Variants in OPCML observed in about 807,000 individuals in gnomAD.
OPCML encodes the protein opioid-binding protein/cell adhesion molecule.
A neutral mutation model predicts 37.8 loss-of-function variants in OPCML; 13 were observed. The ratio of observed to expected loss-of-function variants is 0.34; its 90% CI spans 0.22 to 0.55. The LOEUF is 0.55. Ranked by LOEUF, OPCML falls within the 20% of genes least tolerant of loss-of-function variation. The probability of loss-of-function intolerance (pLI) is 0.91; values close to 1 mark genes in which losing one functional copy is unlikely to be tolerated. For synonymous variants in OPCML, 176 were observed against 168.8 expected (o/e 1.04, Z -0.33); for missense variants, 341 against 435.6 (o/e 0.78, Z 1.93).
intron 4 of OPCML, among the ~76,000 whole-genome samples, chr11:132,502,835 G>A (rs1343566353): frequency 2.0e-5 from 3 of 152,140 alleles, no homozygotes; most frequent in Non-Finnish European, 4.4e-5. Flanking sequence ...AGAGAGTGGG[G>A]CGCCTTGGCT....
At chr11:133,261,352 C>A (rs910553176) in intron 1 of OPCML, among the ~76,000 whole-genome samples, 6 of 152,212 alleles carry the variant, frequency 3.9e-5, no homozygotes, top group African/African-American at 1.4e-4. Flanking sequence ...GAATGTCTGT[C>A]CCCCCCATCT....
intron 2 of OPCML, among the ~76,000 whole-genome samples, chr11:132,662,924 G>T (rs1942047062): frequency 6.6e-6 from 1 of 152,352 alleles, no homozygotes. Context: ...CGTGTTCAAA[G>T]AATTGATAAT....
intron 1 of OPCML, among the ~76,000 whole-genome samples, chr11:133,144,086 G>C (rs185463355): frequency 6.6e-6 from 1 of 152,354 alleles, no homozygotes; most frequent in East Asian, 1.9e-4. Flanking sequence ...CTCTGAGAGA[G>C]GACGTTGAAG....
Position 133,206,385 on chromosome 11 carries a change from C to A in OPCML, c.62-263375G>T, listed in dbSNP as rs557817852. On this transcript the variant is annotated intron_variant, in intron 1 of 7. Coordinates refer to ENST00000524381, the MANE Select transcript of OPCML (RefSeq NM_001012393.5). The surrounding 1 kb of genome is among the most constrained non-coding windows in gnomAD (Gnocchi z 4.7). ...TAGCAATGAAACATTTAGGAAACTG[C>A]ATAACTTCTGGAGTCCTCAGTTTCC... 6.6e-6 allele frequency among the ~76,000 whole-genome samples: 1 copy of A among 152,274 alleles called. No homozygotes were observed. Among genetic ancestry groups the A allele is most frequent in the East Asian group, 1.9e-4 (1 of 5,186 alleles).
At chr11:133,499,040 T>C (rs189297287) in intron 1 of OPCML, among the ~76,000 whole-genome samples, 4 of 152,306 alleles carry the variant, frequency 2.6e-5, no homozygotes, top group African/African-American at 7.2e-5. Flanking sequence ...AGGGCCAGCG[T>C]TGGATCTTGA....
intron 3 of OPCML, among the ~76,000 whole-genome samples, chr11:132,544,457 G>A (rs1001379559): frequency 6.6e-6 from 1 of 152,134 alleles, no homozygotes; most frequent in Non-Finnish European, 1.5e-5. Context: ...CCAGCAACAA[G>A]TGTTCTATAA....
chr11:133,307,254 A>G (rs1240534998), intron 1 of OPCML, among the ~76,000 whole-genome samples: 4 of 152,064 alleles, frequency 2.6e-5, no homozygotes, highest in African/African-American at 9.7e-5. Flanking sequence ...AAGTGGCATA[A>G]GAGATGAAAT....
At chr11:133,106,201 A>G (rs1400773242) in intron 1 of OPCML, among the ~76,000 whole-genome samples, 1 of 152,220 alleles carries the variant, frequency 6.6e-6, no homozygotes, top group Non-Finnish European at 1.5e-5. Context: ...CAATAATTTT[A>G]TCAATTTACT....
At chr11:132,524,118 C>G (rs976148604) in intron 4 of OPCML, among the ~76,000 whole-genome samples, 1 of 152,220 alleles carries the variant, frequency 6.6e-6, no homozygotes, top group Non-Finnish European at 1.5e-5. Context: ...CTCCTTAGAA[C>G]ACAACAGACT....
At chr11:133,519,439 C>T (rs554100141) in intron 1 of OPCML, among the ~76,000 whole-genome samples, 2 of 152,190 alleles carry the variant, frequency 1.3e-5, no homozygotes, top group African/African-American at 4.8e-5. Context: ...AACAGAAGGA[C>T]GAGGGAAACT....
chr11:132,887,487 C>T (rs1161764396), intron 2 of OPCML, among the ~76,000 whole-genome samples: 2 of 152,160 alleles, frequency 1.3e-5, no homozygotes, highest in Admixed American at 6.5e-5. Flanking sequence ...TGCACTCACC[C>T]CGAAGATGGG....
At chr11:133,172,267 T>G (rs1436559006) in intron 1 of OPCML, among the ~76,000 whole-genome samples, 3 of 152,080 alleles carry the variant, frequency 2.0e-5, no homozygotes, top group Non-Finnish European at 1.5e-5. Context: ...CATGGATCAG[T>G]AGAAAAAATT....
intron 3 of OPCML, among the ~76,000 whole-genome samples, chr11:132,533,481 CCAATAGACAG>C (rs2096332083): frequency 6.6e-6 from 1 of 152,096 alleles, no homozygotes; most frequent in Non-Finnish European, 1.5e-5. Flanking sequence ...AAATAGATGA[CCAATAGACAG>C]AGGTAGAAAT....
chr11:133,513,777 G>A (rs1948207203), intron 1 of OPCML, among the ~76,000 whole-genome samples: 1 of 152,146 alleles, frequency 6.6e-6, no homozygotes, highest in African/African-American at 2.4e-5. Context: ...TGTTGCCTAT[G>A]GAGCTTTGCA....
chr11:132,867,894 C>A lies in OPCML; in HGVS notation c.146+75032G>T, dbSNP rs138997819. Among the ~76,000 whole-genome samples, 14 of 152,190 alleles carry A rather than the reference C, an allele frequency of 9.2e-5. No individual in the cohort carries two copies. In the East Asian group the frequency reaches 2.7e-3, roughly 29 times the overall value. On this transcript the variant is annotated intron_variant, in intron 2 of 7. Coordinates refer to ENST00000524381, the MANE Select transcript of OPCML (RefSeq NM_001012393.5). The stretch of plus-strand genomic sequence containing the variant: ...CAGTGTTATGATCCATGTTAATGAG[C>A]AGGTTGTTGGCAGGCAAAGTGAAGA...
chr11:132,733,981 T>A (rs1002329499), intron 2 of OPCML, among the ~76,000 whole-genome samples: 1 of 152,196 alleles, frequency 6.6e-6, no homozygotes. Flanking sequence ...CATGCCTAGG[T>A]GTATGACATT....
intron 1 of OPCML, among the ~76,000 whole-genome samples, chr11:133,161,636 T>A (rs1384983725): frequency 6.6e-6 from 1 of 152,218 alleles, no homozygotes; most frequent in Non-Finnish European, 1.5e-5. Flanking sequence ...GCATTTCCCA[T>A]AACTCACATC....
At chr11:132,614,453 T>C (rs923532785) in intron 3 of OPCML, among the ~76,000 whole-genome samples, 2 of 152,228 alleles carry the variant, frequency 1.3e-5, no homozygotes, top group African/African-American at 4.8e-5. Flanking sequence ...TGAGTGGCAG[T>C]GACACCTTCC....
At chr11:132,526,777 T>G (rs1416966610) in intron 4 of OPCML, among the ~76,000 whole-genome samples, 1 of 152,176 alleles carries the variant, frequency 6.6e-6, no homozygotes, top group Non-Finnish European at 1.5e-5. Flanking sequence ...AAATGCACTT[T>G]TTTTTACAGT....
Sources: allele counts gnomAD v4.1 joint callset (sites outside exome capture counted in the v4.1 genomes callset), GRCh38; gene constraint gnomAD v4.1.1; non-coding constraint Gnocchi (gnomAD v3.1); transcripts MANE v1.5; gene names NCBI Gene and HGNC (gene_info 2026-07-23, HGNC 2026-07-21).